Variants in PGAP1 observed in about 807,000 individuals in gnomAD.
PGAP1 encodes GPI inositol-deacylase.
Under a neutral mutation model 127.0 loss-of-function variants are expected in PGAP1, and 76 were observed. The ratio of observed to expected loss-of-function variants is 0.60; its 90% CI spans 0.50 to 0.72. PGAP1 has a LOEUF of 0.72. PGAP1 is among the 30% of genes least tolerant of loss of function. PGAP1 has a pLI of 0.00. For synonymous variants in PGAP1, 362 were observed against 366.5 expected (o/e 0.99, Z 0.14); for missense variants, 982 against 1,071.3 (o/e 0.92, Z 1.16).
Position 196,899,872 on chromosome 2 carries a change from A to T in PGAP1, c.808-1503T>A, listed in dbSNP as rs143730576. Reference sequence around the variant, plus strand: ...AACATGGTGAAACCGCATCTCTACTAAAAAAATTTCAAAAAATTAGCTGGG... The same window carrying T: ...AACATGGTGAAACCGCATCTCTACTTAAAAAATTTCAAAAAATTAGCTGGG... On this transcript the variant is annotated intron_variant, in intron 5 of 26. Transcript: ENST00000354764. 5.9e-3 allele frequency among the ~76,000 whole-genome samples: 903 copies of T among 152,258 alleles called. 5 individuals are homozygous for T. Among genetic ancestry groups the T allele is most frequent in the African/African-American group, 0.021 (866 of 41,540 alleles).
chr2:196,879,775 G>A (rs1701674326), intron 13 of PGAP1, among the ~76,000 whole-genome samples: 1 of 151,920 alleles, frequency 6.6e-6, no homozygotes, highest in Non-Finnish European at 1.5e-5. Flanking sequence ...ATACTTAAAG[G>A]GTACCTAATA....
intron 20 of PGAP1, among the ~76,000 whole-genome samples, chr2:196,857,515 G>T (rs1321272241): frequency 6.6e-6 from 1 of 152,158 alleles, no homozygotes; most frequent in Non-Finnish European, 1.5e-5. Context: ...AGCACCAAGG[G>T]ATATCAAAAT....
At chr2:196,860,421 C>T (rs1238045399) in intron 20 of PGAP1, among the ~76,000 whole-genome samples, 2 of 152,034 alleles carry the variant, frequency 1.3e-5, no homozygotes, top group Non-Finnish European at 2.9e-5. Flanking sequence ...GTAATCCCAG[C>T]TATTCAGGAG....
rs150396935 is a variant in PGAP1 at position 196,903,663 on chromosome 2, G to A, written c.650-921C>T. 3.6e-3 allele frequency among the ~76,000 whole-genome samples: 551 copies of A among 152,052 alleles called. 2 individuals carry two copies. Among genetic ancestry groups the A allele is most frequent in the Non-Finnish European group, 5.4e-3 (365 of 67,994 alleles). On this transcript the variant is annotated intron_variant, in intron 4 of 26. Coordinates refer to ENST00000354764, the MANE Select transcript of PGAP1 (RefSeq NM_024989.4). ...TATTTAAATTCTTACAATCTATCTG[G>A]ACAATACCATTGACATTAGTCTTAG...
intron 20 of PGAP1, among the ~76,000 whole-genome samples, chr2:196,864,142 A>T (rs1701159054): frequency 6.6e-6 from 1 of 152,058 alleles, no homozygotes; most frequent in Non-Finnish European, 1.5e-5. Context: ...CTGTAGTCCC[A>T]GCACTTTGGG....
intron 20 of PGAP1, among the ~76,000 whole-genome samples, chr2:196,857,764 G>A (rs1700931590): frequency 1.3e-5 from 2 of 152,142 alleles, no homozygotes; most frequent in African/African-American, 2.4e-5. Context: ...ACCTTATACA[G>A]AAAAAAATTT....
At chr2:196,868,370 A>G (rs926708265) in intron 19 of PGAP1, among the ~76,000 whole-genome samples, 10 of 152,212 alleles carry the variant, frequency 6.6e-5, no homozygotes, top group African/African-American at 2.4e-4. Flanking sequence ...CGTTATGAGT[A>G]TTAAATGTTA....
chr2:196,885,360 A>T, intron 12 of PGAP1, 64 bp downstream of exon 12: 2 of 1,063,298 alleles, frequency 1.9e-6, no homozygotes, highest in Non-Finnish European at 2.8e-6. Flanking sequence ...AGAATATTTT[A>T]AAATGTGTAT....
At position 196,847,379 on chromosome 2, in the gene PGAP1, G is replaced by A. The variant is rs146887315; in HGVS notation, c.1953-179C>T. On this transcript the variant is annotated intron_variant, in intron 21 of 26. Transcript: ENST00000354764. ...GGAACAAGTCATTTATTTTCCAAGT[G>A]AGCCTACTGATCTTTGAAGATCTGC... 485 of 496,686 alleles carry A rather than the reference G, an allele frequency of 9.8e-4. 2 individuals are homozygous for A. The highest frequency in any genetic ancestry group is 8.6e-3 in the African/African-American group (440 of 51,106). The allele number at this position is 496,686 out of a possible 1,614,324, so 30.8% of individuals were successfully genotyped here.
At chr2:196,925,337 T>C (rs1006639756) in intron 1 of PGAP1, among the ~76,000 whole-genome samples, 1 of 152,060 alleles carries the variant, frequency 6.6e-6, no homozygotes, top group African/African-American at 2.4e-5. Flanking sequence ...AAAGAAGCAA[T>C]CAGGACTTGC....
At chr2:196,844,723 C>T (rs962221478) in intron 23 of PGAP1, 149 bp from the exon 24 acceptor site, 1 of 590,956 alleles carries the variant, frequency 1.7e-6, no homozygotes, top group African/African-American at 1.9e-5. Context: ...CATTCTTATA[C>T]AAAACAACAA....
intron 6 of PGAP1, 114 bp downstream of exon 6, chr2:196,898,203 G>A (rs1273621992): frequency 2.3e-5 from 16 of 685,056 alleles, no homozygotes; most frequent in Admixed American, 5.9e-5. Flanking sequence ...GGGCAACAGA[G>A]CGAGACTCTG....
At chr2:196,913,994 A>C (rs541415175) in intron 3 of PGAP1, among the ~76,000 whole-genome samples, 2 of 152,180 alleles carry the variant, frequency 1.3e-5, no homozygotes, top group Non-Finnish European at 2.9e-5. Context: ...GTCTCTAATG[A>C]GCTTCCCTTG....
chr2:196,925,592 CG>C (rs1559376972), intron 1 of PGAP1, among the ~76,000 whole-genome samples: 1 of 152,030 alleles, frequency 6.6e-6, no homozygotes, highest in African/African-American at 2.4e-5. Context: ...CCTACTATGC[CG>C]AACTAACGAA....
Position 196,847,394 on chromosome 2 carries a change from T to C in PGAP1, c.1953-194A>G, listed in dbSNP as rs1286416205. 25 of 464,060 alleles carry C rather than the reference T, an allele frequency of 5.4e-5. No homozygotes were observed. In the South Asian group the frequency reaches 9.7e-4, roughly 18 times the overall value. 28.7% of individuals were successfully genotyped at this position (464,060 alleles called of 1,614,324 possible). ...TTTTCCAAGTGAGCCTACTGATCTT[T>C]GAAGATCTGCATTTCAGTATAGCTT... On this transcript the variant is annotated intron_variant, in intron 21 of 26. Coordinates refer to ENST00000354764, the MANE Select transcript of PGAP1 (RefSeq NM_024989.4).
intron 2 of PGAP1, 49 bp downstream of exon 2, chr2:196,919,948 C>A (rs375324337): frequency 6.4e-7 from 1 of 1,555,790 alleles, no homozygotes; most frequent in Non-Finnish European, 8.7e-7. Flanking sequence ...GATTCAAATT[C>A]TTGAGTTGAA....
intron 1 of PGAP1, among the ~76,000 whole-genome samples, chr2:196,921,469 T>A (rs1215148960): frequency 6.6e-6 from 1 of 152,128 alleles, no homozygotes; most frequent in Non-Finnish European, 1.5e-5. Flanking sequence ...GAAAATGATG[T>A]GATAGTTTAC....
At chr2:196,905,511 A>C (rs536194382) in intron 4 of PGAP1, among the ~76,000 whole-genome samples, 2 of 152,328 alleles carry the variant, frequency 1.3e-5, no homozygotes, top group South Asian at 4.1e-4. Context: ...CTGTTATGTT[A>C]AGATGGTTTG....
chr2:196,853,910 ATTTTTTT>A (rs59361073), intron 20 of PGAP1, among the ~76,000 whole-genome samples: 13 of 130,444 alleles, frequency 1.0e-4, no homozygotes, highest in Non-Finnish European at 1.6e-4. Context: ...CCAAAGATGA[ATTTTTTT>A]TTTTTTTTTT....
Sources: gnomAD v4.1 joint callset for allele counts (sites outside exome capture counted in the v4.1 genomes callset) on GRCh38, gnomAD v4.1.1 for gene constraint, MANE v1.5 for transcripts, NCBI Gene and HGNC (gene_info 2026-07-23, HGNC 2026-07-21) for gene names.